The following FNDC3A variants were observed in gnomAD, a reference collection of about 807,000 sequenced individuals.
The protein encoded by FNDC3A is fibronectin type III domain containing 3A, also known as fibronectin type-III domain-containing protein 3A.
A neutral mutation model predicts 148.9 loss-of-function variants in FNDC3A; 32 were observed. The observed-to-expected ratio is 0.21, with a 90% CI of 0.16 to 0.29. The LOEUF (loss-of-function observed/expected upper bound fraction) is 0.29. FNDC3A is among the 10% of genes least tolerant of loss of function. The pLI is 1.00. For missense variants in FNDC3A, 1,191 were observed against 1,452.8 expected (o/e 0.82, Z 2.93); for synonymous variants, 472 against 473.6 (o/e 1.00, Z 0.04).
At position 49,168,617 on chromosome 13, in the gene FNDC3A, C is replaced by T. The variant is rs1208331174; in HGVS notation, c.1042C>T (p.Gln348Ter). The T allele has an allele frequency of 6.2e-7, 1 of 1,608,224 alleles. No individual in the cohort carries two copies. Among genetic ancestry groups the T allele is most frequent in the Admixed American group, 1.7e-5 (1 of 59,904 alleles). Residue 348 changes from glutamine to a stop codon, truncating the protein, a stop_gained, in exon 10 of 26, where the codon CAG (glutamine) becomes TAG (stop). Transcript: ENST00000492622. LOFTEE classifies it high-confidence loss of function. ...CTATTTATTTTATCACCATAGAGTC[C>T]AGGCAGAATATAATTCTATAAAGGG... ...KPAMDYHAKV[Q>*]AEYNSIKGTP...
intron 4 of FNDC3A, among the ~76,000 whole-genome samples, chr13:49,116,856 A>G (rs1880998856): frequency 1.3e-5 from 2 of 151,906 alleles, no homozygotes; most frequent in African/African-American, 2.4e-5. Context: ...AAGAGGCCTC[A>G]TTGGGCAGGT....
At chr13:49,167,108 G>T in intron 8 of FNDC3A, 136 bp from the exon 9 acceptor site, 1 of 504,882 alleles carries the variant, frequency 2.0e-6, no homozygotes, top group Non-Finnish European at 3.5e-6. Flanking sequence ...TTCCATATTA[G>T]TGGAATCTGA....
chr13:49,143,583 A>T (rs1233506438), intron 7 of FNDC3A, among the ~76,000 whole-genome samples: 1 of 152,162 alleles, frequency 6.6e-6, no homozygotes, highest in Non-Finnish European at 1.5e-5. Flanking sequence ...TGGGTAAAGG[A>T]TAGACAGGGA....
intron 23 of FNDC3A, among the ~76,000 whole-genome samples, chr13:49,198,917 C>G (rs911171867): frequency 6.6e-6 from 1 of 152,120 alleles, no homozygotes; most frequent in Non-Finnish European, 1.5e-5. Context: ...AATAAGTGGG[C>G]TACTGTTTGG....
intron 4 of FNDC3A, among the ~76,000 whole-genome samples, chr13:49,115,893 A>G (rs1880922319): frequency 2.0e-5 from 3 of 152,206 alleles, no homozygotes. Context: ...AAAATTTGGT[A>G]CCACTGATAA....
chr13:49,025,124 A>G (rs1023394770), intron 2 of FNDC3A, among the ~76,000 whole-genome samples: 1 of 151,962 alleles, frequency 6.6e-6, no homozygotes, highest in African/African-American at 2.4e-5. Context: ...GCTTTTTTGG[A>G]ATTGAAATAC....
At chr13:49,023,838 A>T (rs1037039085) in intron 2 of FNDC3A, among the ~76,000 whole-genome samples, 15 of 151,936 alleles carry the variant, frequency 9.9e-5, no homozygotes, top group Non-Finnish European at 2.9e-5. Context: ...AAGCAAGATG[A>T]TTTTTGTCAA....
chr13:49,018,276 T>C (rs1328008975), intron 2 of FNDC3A, among the ~76,000 whole-genome samples: 1 of 152,210 alleles, frequency 6.6e-6, no homozygotes, highest in Non-Finnish European at 1.5e-5. Context: ...CATAGTCGCA[T>C]ATTTCTTGGA....
chr13:49,166,474 A>G (rs914411214), intron 8 of FNDC3A, among the ~76,000 whole-genome samples: 11 of 152,148 alleles, frequency 7.2e-5, no homozygotes, highest in African/African-American at 2.2e-4. Flanking sequence ...TGCTCTCAAT[A>G]TGATACCTTG....
At chr13:49,068,790 A>T (rs980501200) in intron 2 of FNDC3A, among the ~76,000 whole-genome samples, 1 of 152,174 alleles carries the variant, frequency 6.6e-6, no homozygotes, top group Admixed American at 6.5e-5. Flanking sequence ...ATCCTTAGCA[A>T]ACTAACGCAG....
chr13:49,041,582 G>A (rs1478119820), intron 2 of FNDC3A, among the ~76,000 whole-genome samples: 3 of 152,070 alleles, frequency 2.0e-5, no homozygotes, highest in Non-Finnish European at 2.9e-5. Context: ...AGGCTGAGGC[G>A]GGCAGATCAC....
chr13:49,015,314 C>T (rs1366112718), intron 2 of FNDC3A, among the ~76,000 whole-genome samples: 4 of 152,184 alleles, frequency 2.6e-5, no homozygotes, highest in African/African-American at 9.7e-5. Flanking sequence ...AGGTCCTTCA[C>T]ATCCCTTGTA....
At chr13:49,002,351 T>G (rs1952142193) in intron 1 of FNDC3A, among the ~76,000 whole-genome samples, 1 of 152,216 alleles carries the variant, frequency 6.6e-6, no homozygotes, top group South Asian at 2.1e-4. Flanking sequence ...ATTAGTTTAT[T>G]GAGTTTATTT....
intron 25 of FNDC3A, among the ~76,000 whole-genome samples, chr13:49,205,242 T>C (rs966461787): frequency 6.6e-6 from 1 of 152,228 alleles, no homozygotes; most frequent in Non-Finnish European, 1.5e-5. Flanking sequence ...GAGGTTTTTC[T>C]TTCTTAACCT....
intron 1 of FNDC3A, among the ~76,000 whole-genome samples, chr13:48,977,643 G>C (rs1951627003): frequency 6.6e-6 from 1 of 152,120 alleles, no homozygotes. Flanking sequence ...CAGTGATGAA[G>C]GATTTTTACC....
At chr13:49,203,388 A>C in intron 25 of FNDC3A, 104 bp downstream of exon 25, 1 of 771,764 alleles carries the variant, frequency 1.3e-6, no homozygotes, top group Non-Finnish European at 2.1e-6. Flanking sequence ...TAATTCATAA[A>C]TATTTATTCA....
chr13:49,156,675 T>C (rs1883713004), intron 8 of FNDC3A, among the ~76,000 whole-genome samples: 1 of 151,588 alleles, frequency 6.6e-6, no homozygotes, highest in African/African-American at 2.4e-5. Context: ...TTGCTTTCCA[T>C]GTTTACCGCT....
At chr13:48,986,697 G>A (rs7994368) in intron 1 of FNDC3A, among the ~76,000 whole-genome samples, 62,147 of 151,636 alleles carry the variant, frequency 0.41, 13,383 homozygotes, top group East Asian at 0.52. Flanking sequence ...CGCCTGGCCC[G>A]GAAGGTTTTT....
chr13:49,041,942 A>T (rs967183887), intron 2 of FNDC3A, among the ~76,000 whole-genome samples: 5 of 152,146 alleles, frequency 3.3e-5, no homozygotes, highest in African/African-American at 1.2e-4. Context: ...AGTGGAAACC[A>T]CTCAATATAA....
Sources: allele counts gnomAD v4.1 joint callset (sites outside exome capture counted in the v4.1 genomes callset), GRCh38; gene constraint gnomAD v4.1.1; transcripts MANE v1.5; gene names NCBI Gene and HGNC (gene_info 2026-07-23, HGNC 2026-07-21).